METTL15: variants seen among roughly 807,000 people sequenced by gnomAD.
METTL15 encodes methyltransferase 15, mitochondrial 12S rRNA N4-cytidine, also known as 12S rRNA N(4)-cytidine methyltransferase METTL15.
In METTL15, 34 loss-of-function variants were observed where a neutral mutation model predicts 38.3. The ratio of observed to expected loss-of-function variants is 0.89; its 90% CI spans 0.68 to 1.18. The LOEUF (loss-of-function observed/expected upper bound fraction) is 1.18. Among genes scored for constraint, METTL15 ranks in the 50% most tolerant of loss-of-function variants. METTL15 has a pLI of 0.00. For missense variants in METTL15, 438 were observed against 498.4 expected (o/e 0.88, Z 1.15); for synonymous variants, 162 against 170.9 (o/e 0.95, Z 0.41).
chr11:28,291,236 G>T (rs1183171641), intron 5 of METTL15, among the ~76,000 whole-genome samples: 1 of 151,690 alleles, frequency 6.6e-6, no homozygotes, highest in East Asian at 1.9e-4. Flanking sequence ...TAGTAGAGAC[G>T]GAGTTTCACA....
intron 5 of METTL15, among the ~76,000 whole-genome samples, chr11:28,372,778 C>A (rs1270884696): frequency 1.8e-5 from 2 of 110,528 alleles, no homozygotes; most frequent in African/African-American, 3.5e-5. Context: ...CCTCCCCCCA[C>A]CCCACAACAG....
At chr11:28,254,482 A>T (rs759720726) in intron 4 of METTL15, among the ~76,000 whole-genome samples, 4 of 151,976 alleles carry the variant, frequency 2.6e-5, no homozygotes, top group Admixed American at 6.6e-5. Context: ...AAGCTTTTTA[A>T]CTTGATATGA....
At chr11:28,372,668 T>G (rs1386464803) in intron 5 of METTL15, among the ~76,000 whole-genome samples, 1 of 151,722 alleles carries the variant, frequency 6.6e-6, no homozygotes, top group Non-Finnish European at 1.5e-5. Context: ...GTGCACATTG[T>G]GCAGGTTAGT....
At chr11:28,454,166 C>A (rs1851148386) in intron 6 of METTL15, among the ~76,000 whole-genome samples, 2 of 152,128 alleles carry the variant, frequency 1.3e-5, no homozygotes, top group African/African-American at 4.8e-5. Context: ...GATCAGTTAG[C>A]CAATACCAAA....
chr11:28,379,677 T>G (rs1403628227), intron 5 of METTL15, among the ~76,000 whole-genome samples: 1 of 152,240 alleles, frequency 6.6e-6, no homozygotes, highest in East Asian at 1.9e-4. Flanking sequence ...AATAATGTGA[T>G]TCTATTGCAG....
At chr11:28,427,794 A>G (rs1246749255) in intron 6 of METTL15, among the ~76,000 whole-genome samples, 1 of 152,188 alleles carries the variant, frequency 6.6e-6, no homozygotes, top group African/African-American at 2.4e-5. Context: ...GTATCCTGAG[A>G]CTTTGCTGAA....
chr11:28,342,364 G>A (rs1000706251), intron 3 of METTL15, among the ~76,000 whole-genome samples: 3 of 152,018 alleles, frequency 2.0e-5, no homozygotes, highest in South Asian at 2.1e-4. Flanking sequence ...CCAGGTTCAA[G>A]TGGTCCTCCC....
At chr11:28,499,738 T>G (rs1332315639) in intron 6 of METTL15, among the ~76,000 whole-genome samples, 1 of 152,194 alleles carries the variant, frequency 6.6e-6, no homozygotes, top group African/African-American at 2.4e-5. Context: ...GTTGGGCATT[T>G]CAGAGGTCAG....
At chr11:28,188,898 C>T (rs1851602966) in intron 3 of METTL15, among the ~76,000 whole-genome samples, 1 of 151,146 alleles carries the variant, frequency 6.6e-6, no homozygotes, top group South Asian at 2.1e-4. Flanking sequence ...TGTGATTATT[C>T]ATTTAAATAG....
At chr11:28,455,325 T>A (rs533064658) in intron 6 of METTL15, among the ~76,000 whole-genome samples, 1 of 146,332 alleles carries the variant, frequency 6.8e-6, no homozygotes, top group Non-Finnish European at 1.5e-5. Context: ...ATCCCAACAA[T>A]ATTAAATGTT....
At chr11:28,444,881 T>A (rs903501408) in intron 6 of METTL15, among the ~76,000 whole-genome samples, 1 of 152,168 alleles carries the variant, frequency 6.6e-6, no homozygotes, top group East Asian at 1.9e-4. Flanking sequence ...TATAAGAGTT[T>A]CTTATTTTGC....
At chr11:28,193,651 T>G (rs1217265027) in intron 3 of METTL15, among the ~76,000 whole-genome samples, 2 of 152,108 alleles carry the variant, frequency 1.3e-5, no homozygotes, top group Non-Finnish European at 2.9e-5. Flanking sequence ...AGAACTGTGA[T>G]CTCAACAAAT....
chr11:28,351,445 A>G (rs1850040945), intron 3 of METTL15, among the ~76,000 whole-genome samples: 1 of 152,186 alleles, frequency 6.6e-6, no homozygotes, highest in Non-Finnish European at 1.5e-5. Flanking sequence ...ACAATTATTT[A>G]TCAACACAAA....
At chr11:28,441,461 C>A (rs1851034322) in intron 6 of METTL15, among the ~76,000 whole-genome samples, 1 of 152,160 alleles carries the variant, frequency 6.6e-6, no homozygotes, top group South Asian at 2.1e-4. Flanking sequence ...CTGTTTCTTA[C>A]TCCTGAATTT....
chr11:28,328,117 A>G, intron 6 of METTL15: 1 of 1,611,770 alleles, frequency 6.2e-7, no homozygotes. Flanking sequence ...CATATTTCCC[A>G]GTGGCCCAAA....
chr11:28,346,717 C>A (rs918431090), intron 3 of METTL15, among the ~76,000 whole-genome samples: 6 of 152,174 alleles, frequency 3.9e-5, no homozygotes, highest in African/African-American at 1.4e-4. Context: ...TGTCTTCCTA[C>A]TAAATAGAAG....
chr11:28,148,369 C>G (rs555219745), intron 3 of METTL15, among the ~76,000 whole-genome samples: 1 of 151,908 alleles, frequency 6.6e-6, no homozygotes, highest in East Asian at 1.9e-4. Flanking sequence ...TGAACAGAGA[C>G]TCTCTGAAGA....
At chr11:28,317,860 A>T in intron 6 of METTL15, among the ~76,000 whole-genome samples, 1 of 152,202 alleles carries the variant, frequency 6.6e-6, no homozygotes, top group East Asian at 1.9e-4. Flanking sequence ...GATATCATAC[A>T]TGAAACAGGG....
downstream of METTL15, among the ~76,000 whole-genome samples, chr11:28,334,806 A>G (rs1321009336): frequency 6.6e-6 from 1 of 152,172 alleles, no homozygotes; most frequent in African/African-American, 2.4e-5. Flanking sequence ...AAATTTTAAA[A>G]ACATTTAAAA....
Sources: gnomAD v4.1 joint callset for allele counts (sites outside exome capture counted in the v4.1 genomes callset) on GRCh38, gnomAD v4.1.1 for gene constraint, MANE v1.5 for transcripts, NCBI Gene and HGNC (gene_info 2026-07-23, HGNC 2026-07-21) for gene names.